The following ZEB1 variants were observed in gnomAD, a reference collection of about 807,000 sequenced individuals.
ZEB1 encodes zinc finger E-box binding homeobox 1.
In ZEB1, 21 loss-of-function variants were observed where a neutral mutation model predicts 84.9. The ratio of observed to expected loss-of-function variants is 0.25; its 90% CI spans 0.18 to 0.36. The LOEUF (loss-of-function observed/expected upper bound fraction) is 0.36. ZEB1 is among the 10% of genes least tolerant of loss of function. The probability of loss-of-function intolerance (pLI) is 1.00; values close to 1 mark genes in which losing one functional copy is unlikely to be tolerated. For missense variants in ZEB1, 1,104 were observed against 1,330.2 expected (o/e 0.83, Z 2.65); for synonymous variants, 420 against 471.1 (o/e 0.89, Z 1.41).
chr10:31,460,404 TTAA>T (rs1370473668), intron 1 of ZEB1, among the ~76,000 whole-genome samples: 1 of 152,156 alleles, frequency 6.6e-6, no homozygotes, highest in East Asian at 1.9e-4. Flanking sequence ...CAGTGTTGGA[TTAA>T]TAATGTAATG....
At chr10:31,506,175 A>G (rs764469850) in intron 4 of ZEB1, among the ~76,000 whole-genome samples, 1 of 152,026 alleles carries the variant, frequency 6.6e-6, no homozygotes, top group African/African-American at 2.4e-5. Context: ...GAGACTTGTC[A>G]TGGGTCCCAA....
intron 1 of ZEB1, among the ~76,000 whole-genome samples, chr10:31,373,575 A>T (rs893029032): frequency 6.6e-6 from 1 of 151,822 alleles, no homozygotes; most frequent in African/African-American, 2.4e-5. Flanking sequence ...ATAGACATGC[A>T]TTTTGTGGTA....
At chr10:31,366,333 T>G (rs190289542) in intron 1 of ZEB1, among the ~76,000 whole-genome samples, 21 of 152,308 alleles carry the variant, frequency 1.4e-4, no homozygotes, top group Admixed American at 1.2e-3. Context: ...TTATTTAATT[T>G]TGTAAAGACA....
At chr10:31,455,525 C>T (rs1340560362) in intron 1 of ZEB1, among the ~76,000 whole-genome samples, 1 of 152,006 alleles carries the variant, frequency 6.6e-6, no homozygotes, top group African/African-American at 2.4e-5. Flanking sequence ...TGACAAAGGG[C>T]TAATATCCAG....
intron 1 of ZEB1, among the ~76,000 whole-genome samples, chr10:31,359,044 G>C (rs1429922887): frequency 6.6e-6 from 1 of 152,018 alleles, no homozygotes; most frequent in Non-Finnish European, 1.5e-5. Context: ...CCAAATCAAG[G>C]TAACAAACAA....
At chr10:31,416,013 A>G (rs1423414628) in intron 1 of ZEB1, among the ~76,000 whole-genome samples, 2 of 152,074 alleles carry the variant, frequency 1.3e-5, no homozygotes, top group African/African-American at 4.8e-5. Context: ...CTAATATCTT[A>G]TTAGTCTTCT....
At chr10:31,324,605 T>C (rs1184346671) in intron 1 of ZEB1, among the ~76,000 whole-genome samples, 2 of 152,090 alleles carry the variant, frequency 1.3e-5, no homozygotes, top group Admixed American at 6.5e-5. Context: ...AACTTGAAGC[T>C]GTAGAAATAG....
chr10:31,425,135 A>G (rs1299798868), intron 1 of ZEB1, among the ~76,000 whole-genome samples: 1 of 152,090 alleles, frequency 6.6e-6, no homozygotes, highest in Admixed American at 6.5e-5. Flanking sequence ...TATCCATAAA[A>G]AGAAGAGGTG....
chr10:31,426,630 C>CAT (rs2056960421), intron 1 of ZEB1, among the ~76,000 whole-genome samples: 1 of 152,158 alleles, frequency 6.6e-6, no homozygotes, highest in African/African-American at 2.4e-5. Context: ...TAATCCCACC[C>CAT]ATATCCTGTT....
At chr10:31,390,234 C>T (rs2049382387) in intron 1 of ZEB1, among the ~76,000 whole-genome samples, 1 of 152,140 alleles carries the variant, frequency 6.6e-6, no homozygotes, top group Admixed American at 6.5e-5. Flanking sequence ...TATCTGACAA[C>T]CCTTCTCTGG....
chr10:31,438,554 G>C (rs2058537143), intron 1 of ZEB1, among the ~76,000 whole-genome samples: 1 of 152,206 alleles, frequency 6.6e-6, no homozygotes, highest in Non-Finnish European at 1.5e-5. Context: ...TTAAGGAAGA[G>C]AGCTGGGTGC....
intron 2 of ZEB1, among the ~76,000 whole-genome samples, chr10:31,482,839 T>C (rs199822751): frequency 6.6e-6 from 1 of 152,054 alleles, no homozygotes; most frequent in East Asian, 1.9e-4. Context: ...TAATTCAGTT[T>C]ACAAAGTGCA....
chr10:31,375,886 A>G (rs527585308), intron 1 of ZEB1, among the ~76,000 whole-genome samples: 1 of 151,902 alleles, frequency 6.6e-6, no homozygotes, highest in East Asian at 1.9e-4. Context: ...ATCCATTCTT[A>G]AGAATTTGGC....
chr10:31,417,610 T>C (rs1591050089), intron 1 of ZEB1, among the ~76,000 whole-genome samples: 1 of 152,268 alleles, frequency 6.6e-6, no homozygotes, highest in South Asian at 2.1e-4. Flanking sequence ...TTTAGATTTG[T>C]AGGAATGCTG....
At chr10:31,398,067 C>G (rs899203574) in intron 1 of ZEB1, among the ~76,000 whole-genome samples, 3 of 152,092 alleles carry the variant, frequency 2.0e-5, no homozygotes, top group Admixed American at 1.3e-4. Context: ...TAATCTACTT[C>G]AAAGAACTAT....
intron 1 of ZEB1, among the ~76,000 whole-genome samples, chr10:31,448,948 G>C (rs1173252249): frequency 2.0e-5 from 3 of 152,230 alleles, no homozygotes; most frequent in Non-Finnish European, 4.4e-5. Flanking sequence ...CACCCAGTTG[G>C]AGCTTCCTGG....
rs1304270562 is a variant in ZEB1, at chr10:31,461,322, A to G, written c.259+85A>G. 3 of 1,400,520 alleles carry G rather than the reference A, an allele frequency of 2.1e-6. No homozygotes were observed. In the African/African-American group the frequency reaches 4.3e-5, roughly 20 times the overall value. The allele number at this position is 1,400,520 out of a possible 1,614,324, so 86.8% of individuals were successfully genotyped here. A position where few individuals can be genotyped will look rare whatever the true frequency, so the allele number is the denominator to read the frequency against. On this transcript the variant is annotated intron_variant, in intron 2 of 8. Transcript: ENST00000424869. Reference sequence around the variant, plus strand: ...TTAACTGAAAAGATAAATTGGATGAAAAGTTTGAAATCAATAGTAAATTTG... The same window carrying G: ...TTAACTGAAAAGATAAATTGGATGAGAAGTTTGAAATCAATAGTAAATTTG...
intron 1 of ZEB1, among the ~76,000 whole-genome samples, chr10:31,444,708 A>G (rs1205260106): frequency 2.0e-5 from 3 of 152,058 alleles, no homozygotes; most frequent in Non-Finnish European, 4.4e-5. Flanking sequence ...AGGTTTGTCA[A>G]AGATCAGATA....
At chr10:31,355,531 A>G (rs1227648656) in intron 1 of ZEB1, among the ~76,000 whole-genome samples, 1 of 152,154 alleles carries the variant, frequency 6.6e-6, no homozygotes. Flanking sequence ...GATAGGAAAG[A>G]ATATAACAGG....
Sources: gnomAD v4.1 joint callset for allele counts (sites outside exome capture counted in the v4.1 genomes callset) on GRCh38, gnomAD v4.1.1 for gene constraint, MANE v1.5 for transcripts, NCBI Gene and HGNC (gene_info 2026-07-23, HGNC 2026-07-21) for gene names.